Variants in BTBD8 observed in about 807,000 individuals in gnomAD.
The protein encoded by BTBD8 is BTB domain containing 8, also known as BTB/POZ domain-containing protein 8.
BTBD8 carries 110 observed loss-of-function variants against 162.9 expected under a neutral mutation model. The observed-to-expected ratio is 0.68, with a 90% CI of 0.58 to 0.79. The LOEUF (loss-of-function observed/expected upper bound fraction) is 0.79, where lower values mean the gene tolerates loss of function less well. BTBD8 is among the 30% of genes least tolerant of loss of function. The pLI is 0.00. For synonymous variants in BTBD8, 667 were observed against 716.1 expected (o/e 0.93, Z 1.10); for missense variants, 1,905 against 2,085.4 (o/e 0.91, Z 1.68).
chr1:92,080,878 G>GA (rs1191011953), intron 1 of BTBD8, among the ~76,000 whole-genome samples, 158 bp downstream of exon 1: 2 of 152,110 alleles, frequency 1.3e-5, no homozygotes, highest in Non-Finnish European at 2.9e-5. Context: ...CCACTATTCC[G>GA]AAAAGTGGCT....
intron 4 of BTBD8, among the ~76,000 whole-genome samples, chr1:92,119,888 C>A (rs1649149165): frequency 8.0e-6 from 1 of 124,726 alleles, no homozygotes; most frequent in Non-Finnish European, 1.6e-5. Flanking sequence ...GCACCCGGCC[C>A]TTTTCTTTTT....
chr1:92,097,317 A>G (rs1570716732), intron 2 of BTBD8, among the ~76,000 whole-genome samples: 1 of 152,034 alleles, frequency 6.6e-6, no homozygotes, highest in Admixed American at 6.6e-5. Flanking sequence ...TCCTTTTCAC[A>G]TCAAAGCTCC....
At chr1:92,108,950 A>G (rs1158533719) in intron 4 of BTBD8, among the ~76,000 whole-genome samples, 1 of 152,256 alleles carries the variant, frequency 6.6e-6, no homozygotes, top group Admixed American at 6.5e-5. Context: ...GTAATCCACC[A>G]AGCCAAATAG....
rs1650744812 is a variant in BTBD8 at position 92,177,260 on chromosome 1, A to G, written c.2067A>G (p.Ser689=). The G allele has an allele frequency of 6.4e-7, 1 of 1,552,156 alleles. No individual in the cohort carries two copies. The highest frequency in any genetic ancestry group is 2.4e-5 in the East Asian group (1 of 40,926). The change falls in exon 14 of 18, where the codon TCA becomes TCG. Residue 689 remains serine, a synonymous_variant. Coordinates refer to ENST00000636805, the MANE Select transcript of BTBD8 (RefSeq NM_001376131.1). Reference sequence around the variant, plus strand: ...TGAGAAATCAGGAAGGGCAAATTTCAGGTGCCAGACCCAAGGTACTCACAG... The same window carrying G: ...TGAGAAATCAGGAAGGGCAAATTTCGGGTGCCAGACCCAAGGTACTCACAG... The part of the protein sequence containing the change: ...KGVRNQEGQI[S]GARPKVLTGN...
chr1:92,103,899 A>T (rs1435355147), intron 3 of BTBD8, among the ~76,000 whole-genome samples: 1 of 152,226 alleles, frequency 6.6e-6, no homozygotes, highest in Non-Finnish European at 1.5e-5. Context: ...AAATATTCAT[A>T]GAAAAGTGTC....
At chr1:92,140,711 A>G (rs1402531052) in intron 6 of BTBD8, among the ~76,000 whole-genome samples, 2 of 152,260 alleles carry the variant, frequency 1.3e-5, no homozygotes, top group African/African-American at 4.8e-5. Flanking sequence ...TTATTTGTAG[A>G]CATTTTCAAT....
At chr1:92,089,724 G>T (rs1301178428) in intron 2 of BTBD8, among the ~76,000 whole-genome samples, 2 of 152,254 alleles carry the variant, frequency 1.3e-5, no homozygotes, top group Middle Eastern at 3.4e-3. Context: ...GAGCCCTCAT[G>T]ACCTAATCAT....
chr1:92,132,131 T>C (rs1311299658), intron 5 of BTBD8, among the ~76,000 whole-genome samples: 1 of 152,228 alleles, frequency 6.6e-6, no homozygotes, highest in African/African-American at 2.4e-5. Flanking sequence ...TTCTCCACTG[T>C]GTAAATCTTT....
intron 6 of BTBD8, among the ~76,000 whole-genome samples, chr1:92,140,680 A>G (rs1649755640): frequency 6.6e-6 from 1 of 152,246 alleles, no homozygotes; most frequent in African/African-American, 2.4e-5. Flanking sequence ...TGGTCATTGG[A>G]TGCTATCTCC....
chr1:92,082,413 C>T (rs1211262699), intron 1 of BTBD8, among the ~76,000 whole-genome samples: 2 of 152,084 alleles, frequency 1.3e-5, no homozygotes, highest in Non-Finnish European at 2.9e-5. Flanking sequence ...TGTTGTTTGT[C>T]CTTACACTCT....
At chr1:92,179,539 A>C (rs1373571070) in intron 16 of BTBD8, among the ~76,000 whole-genome samples, 1 of 152,218 alleles carries the variant, frequency 6.6e-6, no homozygotes, top group Non-Finnish European at 1.5e-5. Context: ...AAGGTAGAGA[A>C]AACATTTTCA....
At position 92,184,198 on chromosome 1, in the gene BTBD8, C is replaced by T; in HGVS notation, c.5247C>T (p.Asp1749=). 2.6e-6 allele frequency: 4 copies of T among 1,551,524 alleles called. No individual in the cohort carries two copies. Among genetic ancestry groups the T allele is most frequent in the Non-Finnish European group, 3.5e-6 (4 of 1,146,792 alleles). The change falls in exon 18 of 18, where the codon GAC becomes GAT. Residue 1749 remains aspartate, a synonymous_variant. Coordinates refer to ENST00000636805, the MANE Select transcript of BTBD8 (RefSeq NM_001376131.1). ...SSKPQGITHI[D]TLNRWSELTS... ...AACCTCAGGGTATAACACATATTGA[C>T]ACTTTGAACAGATGGAGTGAACTAA... is the stretch of plus-strand genomic sequence containing the variant.
At chr1:92,098,712 C>CAGTT (rs1424835201) in intron 2 of BTBD8, among the ~76,000 whole-genome samples, 1 of 152,028 alleles carries the variant, frequency 6.6e-6, no homozygotes, top group Non-Finnish European at 1.5e-5. Context: ...GTATGCTTAT[C>CAGTT]AGTTATTTTT....
intron 13 of BTBD8, among the ~76,000 whole-genome samples, chr1:92,176,503 C>A (rs984152816): frequency 1.6e-4 from 25 of 152,170 alleles, no homozygotes; most frequent in African/African-American, 6.0e-4. Flanking sequence ...TATTATCATT[C>A]CTCAGGGCAT....
intron 9 of BTBD8, among the ~76,000 whole-genome samples, chr1:92,148,576 T>A (rs1019299725): frequency 6.6e-6 from 1 of 152,230 alleles, no homozygotes; most frequent in Non-Finnish European, 1.5e-5. Context: ...TTTTGATTTA[T>A]GCTATTTCTC....
intron 4 of BTBD8, among the ~76,000 whole-genome samples, chr1:92,123,633 T>C (rs1649272457): frequency 6.6e-6 from 1 of 152,116 alleles, no homozygotes; most frequent in African/African-American, 2.4e-5. Context: ...TAGTTGTTCA[T>C]TATTACACTA....
intron 9 of BTBD8, among the ~76,000 whole-genome samples, chr1:92,154,718 C>A (rs1237907680): frequency 6.6e-6 from 1 of 151,952 alleles, no homozygotes; most frequent in Non-Finnish European, 1.5e-5. Context: ...GTATTTTTCC[C>A]CATTCTGTAG....
intron 9 of BTBD8, among the ~76,000 whole-genome samples, chr1:92,165,575 C>T (rs781401319): frequency 3.3e-5 from 5 of 151,942 alleles, no homozygotes; most frequent in Non-Finnish European, 4.4e-5. Context: ...TCAGTCATTT[C>T]CAGATTTATC....
chr1:92,098,801 A>T lies in BTBD8; in HGVS notation c.348-3672A>T, dbSNP rs140203730. ...TCTTTAAACTATTATGCTTTTAGAG[A>T]TTTCTGTATATACTGGAATACTAGA... On this transcript the variant is annotated intron_variant, in intron 2 of 17. Transcript: ENST00000636805. Among the ~76,000 whole-genome samples the T allele has an allele frequency of 1.8e-3, 268 of 152,222 alleles. 3 individuals are homozygous for T. Among genetic ancestry groups the T allele is most frequent in the African/African-American group, 5.9e-3 (246 of 41,556 alleles).
Sources: allele counts gnomAD v4.1 joint callset (sites outside exome capture counted in the v4.1 genomes callset), GRCh38; gene constraint gnomAD v4.1.1; transcripts MANE v1.5; gene names NCBI Gene and HGNC (gene_info 2026-07-23, HGNC 2026-07-21).